ARHGAP6: variants seen among roughly 807,000 people sequenced by gnomAD.
ARHGAP6 encodes the protein Rho GTPase activating protein 6.
ARHGAP6 carries 16 observed loss-of-function variants against 55.7 expected under a neutral mutation model. That is an observed-to-expected ratio of 0.29 (90% confidence interval 0.19 to 0.44). ARHGAP6 has a LOEUF of 0.44. Ranked by LOEUF, ARHGAP6 falls within the 20% of genes least tolerant of loss-of-function variation. The probability of loss-of-function intolerance (pLI) is 1.00; values close to 1 mark genes in which losing one functional copy is unlikely to be tolerated. For synonymous variants in ARHGAP6, 382 were observed against 360.9 expected (o/e 1.06, Z -0.66); for missense variants, 698 against 808.9 (o/e 0.86, Z 1.66).
intron 1 of ARHGAP6, among the ~76,000 whole-genome samples, chrX:11,611,105 T>A (rs1362927388): frequency 8.9e-6 from 1 of 112,863 alleles, no homozygotes; most frequent in Non-Finnish European, 1.9e-5. Context: ...ATTATTTGAC[T>A]ATTATGGGTA....
At chrX:11,585,787 T>G (rs751212220) in intron 1 of ARHGAP6, among the ~76,000 whole-genome samples, 3 of 111,991 alleles carry the variant, frequency 2.7e-5, no homozygotes, top group Admixed American at 1.9e-4. Context: ...ACAGGCTTAG[T>G]TGGCTCACAT....
intron 1 of ARHGAP6, among the ~76,000 whole-genome samples, chrX:11,522,004 A>T (rs1338011404): frequency 9.0e-6 from 1 of 111,426 alleles, no homozygotes; most frequent in East Asian, 2.8e-4. Context: ...TTGCACGTCG[A>T]TTTTGTATCC....
rs768418140 is a variant in ARHGAP6 at position 11,661,608 on chromosome X, C to T, written c.588+2633G>A. 3.6e-5 allele frequency among the ~76,000 whole-genome samples: 4 copies of T among 112,295 alleles called. No homozygotes were observed. The South Asian group carries it at 1.5e-3, about 42-fold the overall frequency. On this transcript the variant is annotated intron_variant, in intron 1 of 12. Transcript: ENST00000337414. The stretch of plus-strand genomic sequence containing the variant: ...TGGATGAGATCCATCAATGGCTAAA[C>T]CTGAAGGTGAATTCTTAGGATTTCA...
intron 2 of ARHGAP6, among the ~76,000 whole-genome samples, chrX:11,208,436 G>A (rs182980119): frequency 3.0e-4 from 34 of 111,798 alleles, no homozygotes; most frequent in East Asian, 1.1e-3. Flanking sequence ...CCATCCATCC[G>A]TAAGGATCTG....
chrX:11,506,252 T>G (rs1177704234), intron 1 of ARHGAP6, among the ~76,000 whole-genome samples: 1 of 111,168 alleles, frequency 9.0e-6, no homozygotes, highest in African/African-American at 3.3e-5. Flanking sequence ...TCTCCTTTTT[T>G]ATATATACTT....
intron 1 of ARHGAP6, among the ~76,000 whole-genome samples, chrX:11,473,042 C>T (rs1260200890): frequency 9.0e-6 from 1 of 111,087 alleles, no homozygotes; most frequent in Non-Finnish European, 1.9e-5. Context: ...CTTCCCTTAG[C>T]CTCCCTACCA....
Position 11,335,621 on chromosome X carries a change from T to C in ARHGAP6, c.589-80914A>G, listed in dbSNP as rs963105154. 12 of 253,050 alleles carry C rather than the reference T, an allele frequency of 4.7e-5. No homozygotes were observed. In the Admixed American group the frequency reaches 5.3e-4, roughly 11 times the overall value. 20.9% of individuals were successfully genotyped at this position (253,050 alleles called of 1,213,427 possible). ...CACATTTTCTTTATCCAGTCTATTA[T>C]TGATGGACATCTGGGTTGGTTCCAA... is the stretch of plus-strand genomic sequence containing the variant. On this transcript the variant is annotated intron_variant, in intron 1 of 12. Transcript: ENST00000337414.
intron 9 of ARHGAP6, among the ~76,000 whole-genome samples, chrX:11,163,991 A>G (rs1455341136): frequency 1.8e-5 from 2 of 112,772 alleles, no homozygotes; most frequent in African/African-American, 6.4e-5. Flanking sequence ...CAAACAGTAC[A>G]CATGTTCTGT....
intron 1 of ARHGAP6, among the ~76,000 whole-genome samples, chrX:11,568,710 T>C (rs755644170): frequency 1.9e-5 from 2 of 107,209 alleles, no homozygotes; most frequent in East Asian, 2.9e-4. Flanking sequence ...TGAGCTGAGA[T>C]TGCGCCACTG....
intron 1 of ARHGAP6, among the ~76,000 whole-genome samples, chrX:11,412,296 G>A (rs935223723): frequency 9.0e-6 from 1 of 111,497 alleles, no homozygotes; most frequent in African/African-American, 3.3e-5. Context: ...ATTCTACCCT[G>A]CTCCATGACT....
At chrX:11,497,304 T>A (rs1448563621) in intron 1 of ARHGAP6, among the ~76,000 whole-genome samples, 1 of 112,226 alleles carries the variant, frequency 8.9e-6, no homozygotes, top group Non-Finnish European at 1.9e-5. Flanking sequence ...CTTACATAAA[T>A]AACTATAGCC....
At chrX:11,400,517 CT>C (rs769257962) in intron 1 of ARHGAP6, among the ~76,000 whole-genome samples, 4 of 107,413 alleles carry the variant, frequency 3.7e-5, no homozygotes, top group African/African-American at 1.0e-4. Context: ...CCGTCCCCCC[CT>C]GGCTAAAAGC....
At chrX:11,602,122 G>C (rs755446181) in intron 1 of ARHGAP6, among the ~76,000 whole-genome samples, 39 of 111,215 alleles carry the variant, frequency 3.5e-4, no homozygotes, top group Non-Finnish European at 6.0e-4. Flanking sequence ...TCTACCACTA[G>C]ATAGTAAAAT....
chrX:11,662,971 G>A (rs1353922017), intron 1 of ARHGAP6, among the ~76,000 whole-genome samples: 2 of 111,846 alleles, frequency 1.8e-5, no homozygotes, highest in African/African-American at 6.5e-5. Context: ...CTTGCCCTCT[G>A]CCTCGACTTT....
At chrX:11,372,944 A>C (rs188417701) in intron 1 of ARHGAP6, among the ~76,000 whole-genome samples, 17 of 110,036 alleles carry the variant, frequency 1.5e-4, no homozygotes, top group African/African-American at 5.6e-4. Context: ...TATCAGGTAC[A>C]AAAAATTTGG....
intron 1 of ARHGAP6, chrX:11,298,361 T>G (rs978556232): frequency 5.3e-5 from 58 of 1,103,800 alleles, no homozygotes; most frequent in Non-Finnish European, 7.0e-5. Flanking sequence ...TCATGTCTAC[T>G]CCACATGCAG....
intron 1 of ARHGAP6, among the ~76,000 whole-genome samples, chrX:11,535,652 C>T (rs2051097204): frequency 9.0e-6 from 1 of 111,544 alleles, no homozygotes; most frequent in African/African-American, 3.3e-5. Context: ...CACCCGGCAT[C>T]TCTCATCCCC....
Position 11,521,881 on chromosome X carries a change from G to T in ARHGAP6, c.588+142360C>A, listed in dbSNP as rs752420561. On this transcript the variant is annotated intron_variant, in intron 1 of 12. Transcript: ENST00000337414. ...CTTGAAGAGGTCCTTCACGTCCCTT[G>T]TAAGTTGGATTCCTAGGTATTTTAT... 7.2e-5 allele frequency among the ~76,000 whole-genome samples: 8 copies of T among 111,441 alleles called. 1 individual carries two copies. In the East Asian group the frequency reaches 2.2e-3, roughly 31 times the overall value.
chrX:11,389,312 C>T (rs2049373402), intron 1 of ARHGAP6, among the ~76,000 whole-genome samples: 1 of 112,069 alleles, frequency 8.9e-6, no homozygotes, highest in African/African-American at 3.2e-5. Context: ...CTAATAACTG[C>T]CTTTCAACCG....
Sources: allele counts gnomAD v4.1 joint callset (sites outside exome capture counted in the v4.1 genomes callset), GRCh38; gene constraint gnomAD v4.1.1; transcripts MANE v1.5; gene names NCBI Gene and HGNC (gene_info 2026-07-23, HGNC 2026-07-21).